The following TBC1D22A variants were observed in gnomAD, a reference collection of about 807,000 sequenced individuals.
TBC1D22A encodes TBC1 domain family member 22A, also known as putative GTPase activator.
Under a neutral mutation model 60.2 loss-of-function variants are expected in TBC1D22A, and 38 were observed. The observed-to-expected ratio is 0.63, with a 90% confidence interval of 0.49 to 0.83. The LOEUF is 0.83. Among genes scored for constraint, TBC1D22A ranks in the 40% least tolerant of loss-of-function variants. TBC1D22A has a pLI of 0.00. For missense variants in TBC1D22A, 628 were observed against 701.0 expected (o/e 0.90, Z 1.18); for synonymous variants, 302 against 281.7 (o/e 1.07, Z -0.72).
intron 11 of TBC1D22A, among the ~76,000 whole-genome samples, chr22:47,081,120 CAAAAAA>C (rs34794967): frequency 1.2e-5 from 1 of 83,782 alleles, no homozygotes; most frequent in South Asian, 4.6e-4. Flanking sequence ...AACTCCGTCT[CAAAAAA>C]AAAAAAAAAA....
rs192934468 is a variant in TBC1D22A, at chr22:47,032,464, C to T, written c.1202-4607C>T. Among the ~76,000 whole-genome samples the T allele has an allele frequency of 1.1e-4, 16 of 152,278 alleles. No individual in the cohort carries two copies. In the East Asian group the frequency reaches 2.5e-3, roughly 24 times the overall value. ...TGCTTGGTTGAGAGGCCTCATCATA[C>T]ACTGGATTTGTGCCTGGAGTGAGAG... On this transcript the variant is annotated intron_variant, in intron 10 of 12. Coordinates refer to ENST00000337137, the MANE Select transcript of TBC1D22A (RefSeq NM_014346.5).
chr22:47,001,180 G>A (rs1430656080), intron 10 of TBC1D22A, among the ~76,000 whole-genome samples: 1 of 152,110 alleles, frequency 6.6e-6, no homozygotes, highest in African/African-American at 2.4e-5. Context: ...GAGGATCAGG[G>A]TTGTTTGAAC....
At chr22:46,979,000 G>T (rs136113) in intron 9 of TBC1D22A, among the ~76,000 whole-genome samples, 62,632 of 151,992 alleles carry the variant, frequency 0.41, 14,566 homozygotes, top group African/African-American at 0.65. Context: ...TTCTTAAAGG[G>T]TAGTTGTGAT....
chr22:47,028,699 G>GT lies in TBC1D22A; in HGVS notation c.1202-8370dup, dbSNP rs2062349428. Among the ~76,000 whole-genome samples, 1 of 152,252 alleles carries GT rather than the reference G, an allele frequency of 6.6e-6. No individual in the cohort carries two copies. The highest frequency in any genetic ancestry group is 1.5e-5 in the Non-Finnish European group (1 of 68,046). Reference sequence around the variant, plus strand: ...GTGTTGAGCATGTGAGAAGACAGCAGTTGTGTGACACGACGTTGACATTAA... The same window carrying GT: ...GTGTTGAGCATGTGAGAAGACAGCAGTTTGTGTGACACGACGTTGACATTAA... On this transcript the variant is annotated intron_variant, in intron 10 of 12. Coordinates refer to ENST00000337137, the MANE Select transcript of TBC1D22A (RefSeq NM_014346.5). This position sits in a 1 kb window ranked among gnomAD's most constrained non-coding sequence, Gnocchi z 4.4.
intron 11 of TBC1D22A, among the ~76,000 whole-genome samples, chr22:47,037,876 G>A (rs943884098): frequency 1.3e-5 from 2 of 152,142 alleles, no homozygotes; most frequent in African/African-American, 4.8e-5. Flanking sequence ...TCACGCTCAG[G>A]ACTCACACCT....
At chr22:46,995,818 C>G (rs1482820908) in intron 9 of TBC1D22A, among the ~76,000 whole-genome samples, 1 of 152,156 alleles carries the variant, frequency 6.6e-6, no homozygotes, top group Non-Finnish European at 1.5e-5. Context: ...CCTGGTTGAC[C>G]ACCTCGAGGA....
At chr22:47,035,848 G>C (rs933226233) in intron 10 of TBC1D22A, among the ~76,000 whole-genome samples, 7 of 152,310 alleles carry the variant, frequency 4.6e-5, no homozygotes, top group African/African-American at 1.7e-4. Flanking sequence ...TAGAGCTCCT[G>C]GTCCGTCAGG....
At chr22:47,077,387 T>C (rs2064268783) in intron 11 of TBC1D22A, among the ~76,000 whole-genome samples, 1 of 152,182 alleles carries the variant, frequency 6.6e-6, no homozygotes, top group African/African-American at 2.4e-5. Flanking sequence ...TAAGGGCAGT[T>C]TGTCCCTTTA....
chr22:46,939,581 G>A (rs1256665984), intron 8 of TBC1D22A, among the ~76,000 whole-genome samples: 1 of 152,216 alleles, frequency 6.6e-6, no homozygotes, highest in East Asian at 1.9e-4. Flanking sequence ...TAGAGGCAGA[G>A]ATGAAAATAC....
chr22:46,879,562 G>C (rs557082923), intron 5 of TBC1D22A, among the ~76,000 whole-genome samples: 1 of 152,292 alleles, frequency 6.6e-6, no homozygotes, highest in South Asian at 2.1e-4. Flanking sequence ...AATCCTAAAT[G>C]CAGACGCAGC....
chr22:46,881,525 C>G (rs993660092), intron 5 of TBC1D22A, among the ~76,000 whole-genome samples: 1 of 152,192 alleles, frequency 6.6e-6, no homozygotes, highest in Non-Finnish European at 1.5e-5. Context: ...GTGCGTCAGA[C>G]CACGCATTCA....
At chr22:46,940,544 ATATG>A (rs747758857) in intron 8 of TBC1D22A, among the ~76,000 whole-genome samples, 1 of 150,410 alleles carries the variant, frequency 6.6e-6, no homozygotes, top group Non-Finnish European at 1.5e-5. Flanking sequence ...GAATATATAT[ATATG>A]TATGTGTATG....
intron 8 of TBC1D22A, among the ~76,000 whole-genome samples, chr22:46,912,702 A>G (rs1360403076): frequency 6.6e-6 from 1 of 152,168 alleles, no homozygotes; most frequent in African/African-American, 2.4e-5. Flanking sequence ...GACTACGGGC[A>G]TGCGCCACCA....
intron 11 of TBC1D22A, among the ~76,000 whole-genome samples, chr22:47,068,444 A>G (rs760914249): frequency 1.3e-5 from 2 of 152,238 alleles, no homozygotes; most frequent in Non-Finnish European, 2.9e-5. Context: ...GAAGATGAAG[A>G]TAGCTCTTCT....
chr22:46,914,323 T>G (rs1460519081), intron 8 of TBC1D22A: 1 of 151,618 alleles, frequency 6.6e-6, no homozygotes, highest in Non-Finnish European at 1.5e-5. Context: ...TAGTTCCAGC[T>G]ACTCGGGAGG....
intron 9 of TBC1D22A, among the ~76,000 whole-genome samples, chr22:46,980,494 A>G (rs2148160194): frequency 6.6e-6 from 1 of 152,370 alleles, no homozygotes; most frequent in African/African-American, 2.4e-5. Context: ...GAAATCACAG[A>G]TTTTAAATGG....
intron 9 of TBC1D22A, among the ~76,000 whole-genome samples, chr22:46,980,860 G>A (rs572329114): frequency 6.6e-6 from 1 of 152,284 alleles, no homozygotes; most frequent in Non-Finnish European, 1.5e-5. Flanking sequence ...AGAAAGAGAA[G>A]AGAAAGTCTC....
chr22:46,885,989 G>A (rs998763020), intron 5 of TBC1D22A, among the ~76,000 whole-genome samples: 1 of 149,454 alleles, frequency 6.7e-6, no homozygotes, highest in Non-Finnish European at 1.5e-5. Context: ...CTCACTGCAC[G>A]CTCCGCCTCC....
At chr22:47,005,291 C>T (rs1294753678) in intron 10 of TBC1D22A, among the ~76,000 whole-genome samples, 1 of 151,384 alleles carries the variant, frequency 6.6e-6, no homozygotes, top group African/African-American at 2.4e-5. Context: ...CACATATACA[C>T]TCACTCCTGT....
Sources: allele counts gnomAD v4.1 joint callset (sites outside exome capture counted in the v4.1 genomes callset), GRCh38; gene constraint gnomAD v4.1.1; non-coding constraint Gnocchi (gnomAD v3.1); transcripts MANE v1.5; gene names NCBI Gene and HGNC (gene_info 2026-07-23, HGNC 2026-07-21).